Variants in ZNF469 observed in about 807,000 individuals in gnomAD.
The protein encoded by ZNF469 is zinc finger protein 469.
ZNF469 carries 1 observed loss-of-function variant against 1.0 expected under a neutral mutation model. That is an observed-to-expected ratio of 1.00 (90% CI 0.35 to 4.73). The LOEUF is 4.73. ZNF469 is among the 30% of genes most tolerant of loss of function. ZNF469 has a pLI of 0.16. For synonymous variants in ZNF469, 2,703 were observed against 2,363.4 expected (o/e 1.14, Z -4.17); for missense variants, 6,100 against 5,356.3 (o/e 1.14, Z -4.33).
chr16:88,267,163 G>T, the ZNF469 span, among the ~76,000 whole-genome samples: 1 of 152,312 alleles, frequency 6.6e-6, no homozygotes, highest in East Asian at 1.9e-4. Flanking sequence ...CTCTGCGTGT[G>T]GTCTGTCCGT....
At chr16:88,297,214 G>C in the ZNF469 span, among the ~76,000 whole-genome samples, 1 of 152,168 alleles carries the variant, frequency 6.6e-6, no homozygotes, top group Non-Finnish European at 1.5e-5. Flanking sequence ...AGATTGGGAC[G>C]GGGCAGGCGT....
At chr16:88,398,399 TGAG>T (rs1904754106) in intron 1 of ZNF469, among the ~76,000 whole-genome samples, 1 of 123,266 alleles carries the variant, frequency 8.1e-6, no homozygotes, top group Non-Finnish European at 1.8e-5. Context: ...AAGGGACATG[TGAG>T]CCACAGATGA....
chr16:88,344,588 G>A, the ZNF469 span, among the ~76,000 whole-genome samples: 18 of 152,238 alleles, frequency 1.2e-4, no homozygotes, highest in Admixed American at 2.0e-4. Flanking sequence ...ACTGGGGGCC[G>A]GGACAGCCAG....
chr16:88,320,211 A>G, the ZNF469 span, among the ~76,000 whole-genome samples: 4 of 152,222 alleles, frequency 2.6e-5, no homozygotes, highest in Admixed American at 2.6e-4. Context: ...CCCAATTTAT[A>G]TAATCCTAGG....
At chr16:88,386,263 C>T (rs2092536592) in intron 1 of ZNF469, among the ~76,000 whole-genome samples, 1 of 152,128 alleles carries the variant, frequency 6.6e-6, no homozygotes, top group African/African-American at 2.4e-5. Flanking sequence ...TGGCCATGCT[C>T]GGGTCCTGCA....
chr16:88,248,388 T>A, the ZNF469 span, among the ~76,000 whole-genome samples: 11 of 152,156 alleles, frequency 7.2e-5, no homozygotes, highest in African/African-American at 2.7e-4. Context: ...TGGTCCAGTT[T>A]CTCTCTCAGA....
the ZNF469 span, among the ~76,000 whole-genome samples, chr16:88,267,929 G>A: frequency 6.0e-3 from 907 of 152,142 alleles, 3 homozygotes; most frequent in African/African-American, 0.021. Flanking sequence ...TTTCCAAAGC[G>A]GCTGAGCCAT....
intron 1 of ZNF469, among the ~76,000 whole-genome samples, chr16:88,392,966 C>T (rs8054022): frequency 6.6e-6 from 1 of 152,140 alleles, no homozygotes; most frequent in Non-Finnish European, 1.5e-5. Flanking sequence ...TCACCCAGCT[C>T]TTTGAGTCCC....
chr16:88,176,212 C>T, the ZNF469 span, among the ~76,000 whole-genome samples: 7 of 150,230 alleles, frequency 4.7e-5, no homozygotes, highest in African/African-American at 7.4e-5. Flanking sequence ...CCAGACTGCA[C>T]GGAGCTCACA....
chr16:88,352,017 G>T, the ZNF469 span, among the ~76,000 whole-genome samples: 1 of 152,198 alleles, frequency 6.6e-6, no homozygotes, highest in Admixed American at 6.5e-5. Context: ...GAAACCTGCA[G>T]GTGGTGCAGC....
At chr16:88,255,712 G>A in the ZNF469 span, among the ~76,000 whole-genome samples, 4 of 152,240 alleles carry the variant, frequency 2.6e-5, no homozygotes, top group Non-Finnish European at 4.4e-5. Context: ...GAATAAACCT[G>A]AGAGGGGCTT....
chr16:88,173,335 GC>G, the ZNF469 span, among the ~76,000 whole-genome samples: 1 of 152,188 alleles, frequency 6.6e-6, no homozygotes, highest in Non-Finnish European at 1.5e-5. Context: ...TGCTAAGGAG[GC>G]GGTTGGTGGG....
At chr16:88,111,637 TTTTG>T in the ZNF469 span, among the ~76,000 whole-genome samples, 32 of 152,194 alleles carry the variant, frequency 2.1e-4, no homozygotes, top group African/African-American at 5.3e-4. Context: ...TTTTTGTTTG[TTTTG>T]TTTGTTTGTT....
chr16:88,430,106 C>T lies in ZNF469; in HGVS notation c.2636C>T (p.Pro879Leu). The change falls in exon 3 of 3, where the codon CCC (proline) becomes CTC (leucine). Residue 879 changes from proline to leucine, a missense_variant. Transcript: ENST00000565624. ...ADEEPSGPRGPSSGHPLKSKA... is the reference protein window; with the variant it reads ...ADEEPSGPRGLSSGHPLKSKA... ...GAGGAGCCTTCCGGCCCCAGAGGTC[C>T]CAGCTCCGGACACCCCCTTAAGAGC... 1.9e-6 allele frequency: 3 copies of T among 1,542,414 alleles called. No homozygotes were observed. Among genetic ancestry groups the T allele is most frequent in the Non-Finnish European group, 2.6e-6 (3 of 1,146,916 alleles).
At chr16:88,112,834 G>T in the ZNF469 span, among the ~76,000 whole-genome samples, 4 of 133,878 alleles carry the variant, frequency 3.0e-5, no homozygotes, top group African/African-American at 1.1e-4. Context: ...CTGGAGTGCA[G>T]TGGCACGATC....
chr16:88,319,337 G>C, the ZNF469 span, among the ~76,000 whole-genome samples: 1 of 152,068 alleles, frequency 6.6e-6, no homozygotes, highest in Non-Finnish European at 1.5e-5. Flanking sequence ...CTGAGCCGAA[G>C]GGGGCTCCTC....
the ZNF469 span, among the ~76,000 whole-genome samples, chr16:88,218,596 T>G: frequency 1.3e-5 from 2 of 151,152 alleles, no homozygotes; most frequent in African/African-American, 4.9e-5. Flanking sequence ...CTCAATAAAT[T>G]AGGTATTGAT....
the ZNF469 span, among the ~76,000 whole-genome samples, chr16:88,224,110 A>G: frequency 6.6e-6 from 1 of 152,244 alleles, no homozygotes; most frequent in Non-Finnish European, 1.5e-5. Context: ...TTCTCGGGGC[A>G]GGGGTCTGAA....
chr16:88,178,860 G>A, the ZNF469 span: 1 of 144,234 alleles, frequency 6.9e-6, no homozygotes, highest in Non-Finnish European at 1.6e-5. Flanking sequence ...CCTTCACCTG[G>A]AGGCCGCCTT....
Sources: gnomAD v4.1 joint callset for allele counts (sites outside exome capture counted in the v4.1 genomes callset) on GRCh38, gnomAD v4.1.1 for gene constraint, MANE v1.5 for transcripts, NCBI Gene and HGNC (gene_info 2026-07-23, HGNC 2026-07-21) for gene names.